The following SLC9A3 variants were observed in gnomAD, a reference collection of about 807,000 sequenced individuals.
SLC9A3 encodes sodium/hydrogen exchanger 3.
Under a neutral mutation model 86.8 loss-of-function variants are expected in SLC9A3, and 37 were observed. The ratio of observed to expected loss-of-function variants is 0.43; its 90% CI spans 0.33 to 0.56. The LOEUF (loss-of-function observed/expected upper bound fraction) is 0.56, where lower values mean the gene tolerates loss of function less well. Among genes scored for constraint, SLC9A3 ranks in the 20% least tolerant of loss-of-function variants. The pLI, the probability that SLC9A3 is intolerant of heterozygous loss-of-function variation, is 0.06. For missense variants in SLC9A3, 1,011 were observed against 1,171.9 expected, an observed-to-expected ratio of 0.86 and a Z score of 2.00; for synonymous variants, 581 against 528.3, an observed-to-expected ratio of 1.10 and a Z score of -1.37.
At chr5:500,325 G>A (rs1214947368) in intron 1 of SLC9A3, among the ~76,000 whole-genome samples, 7 of 152,234 alleles carry the variant, frequency 4.6e-5, no homozygotes, top group Non-Finnish European at 1.0e-4. Flanking sequence ...GACACGCCAC[G>A]AGGCTCCCCC....
At chr5:476,700 C>T in intron 11 of SLC9A3, 28 bp from the exon 12 acceptor site, 1 of 1,597,318 alleles carries the variant, frequency 6.3e-7, no homozygotes, top group Non-Finnish European at 8.5e-7. Context: ...CTGAGCCATA[C>T]AGGCTCCCTC....
intron 1 of SLC9A3, among the ~76,000 whole-genome samples, chr5:506,378 C>T (rs140635817): frequency 3.0e-4 from 45 of 152,300 alleles, no homozygotes; most frequent in Middle Eastern, 3.4e-3. Flanking sequence ...CAGGGCAGCC[C>T]GCACAGGGCG....
chr5:487,888 G>A (rs551307876), intron 3 of SLC9A3, among the ~76,000 whole-genome samples: 7 of 152,148 alleles, frequency 4.6e-5, no homozygotes, highest in Middle Eastern at 3.4e-3. Context: ...GGCTGGTCTC[G>A]AACTGCTGAC....
intron 16 of SLC9A3, among the ~76,000 whole-genome samples, chr5:473,863 C>CG (rs2126600100): frequency 6.6e-6 from 1 of 152,338 alleles, no homozygotes; most frequent in South Asian, 2.1e-4. Flanking sequence ...GTGAGAGGGT[C>CG]GGGGACCCGG....
chr5:515,355 A>G (rs913620201), intron 1 of SLC9A3, among the ~76,000 whole-genome samples: 1 of 151,792 alleles, frequency 6.6e-6, no homozygotes, highest in Non-Finnish European at 1.5e-5. Flanking sequence ...ACACACGGGA[A>G]CCCCTTGGGC....
chr5:519,912 T>C (rs1733836739), intron 1 of SLC9A3, among the ~76,000 whole-genome samples: 1 of 152,196 alleles, frequency 6.6e-6, no homozygotes, highest in Non-Finnish European at 1.5e-5. Context: ...CTCCTACGGC[T>C]GCGCGAGGCA....
Position 474,904 on chromosome 5 carries a change from G to T in SLC9A3, c.2480C>A (p.Ala827Asp), listed in dbSNP as rs1738614553. Residue 827 changes from alanine (A) to aspartate (D), a missense_variant, in exon 16 of 17, where the codon GCC becomes GAC. By Grantham distance (126) the Ala-to-Asp change is moderately radical (BLOSUM62 -2). Transcript: ENST00000264938. ...TTACATGTGTGTGGACTCGGGGAGG[G>T]CGGCGGGGGGCCGCTCCTCGGGGCC... ...ADGPEERPPAALPESTHM is the reference protein window; with the variant it reads ...ADGPEERPPADLPESTHM 3 of 1,594,456 alleles carry T rather than the reference G, an allele frequency of 1.9e-6. No individual in the cohort carries two copies. The highest frequency in any genetic ancestry group is 2.6e-6 in the Non-Finnish European group (3 of 1,171,882).
At chr5:522,225 G>A (rs575239379) in intron 1 of SLC9A3, among the ~76,000 whole-genome samples, 12 of 152,316 alleles carry the variant, frequency 7.9e-5, no homozygotes, top group South Asian at 2.1e-4. Context: ...TGCTGGAGCC[G>A]GCAGCCTCCC....
chr5:501,254 G>A (rs1326285127), intron 1 of SLC9A3, among the ~76,000 whole-genome samples: 6 of 152,166 alleles, frequency 3.9e-5, no homozygotes, highest in Admixed American at 1.3e-4. Flanking sequence ...ACACCCCTCG[G>A]AGCACAGAGG....
chr5:521,245 G>A (rs1255317845), intron 1 of SLC9A3, among the ~76,000 whole-genome samples: 1 of 151,148 alleles, frequency 6.6e-6, no homozygotes, highest in Admixed American at 6.6e-5. Flanking sequence ...CAGACACGCG[G>A]CCTGAGGCTG....
intron 1 of SLC9A3, among the ~76,000 whole-genome samples, chr5:514,530 T>C (rs949318536): frequency 6.6e-6 from 1 of 152,160 alleles, no homozygotes; most frequent in African/African-American, 2.4e-5. Context: ...GCCCAGTGGC[T>C]CCCACATCCA....
At chr5:473,508 G>T in intron 16 of SLC9A3, 126 bp from the exon 17 acceptor site, 1 of 800,674 alleles carries the variant, frequency 1.2e-6, no homozygotes, top group Non-Finnish European at 1.7e-6. Context: ...CGCACCCCAG[G>T]CTCGGCGTCC....
intron 1 of SLC9A3, among the ~76,000 whole-genome samples, chr5:514,263 G>A (rs988179964): frequency 1.3e-5 from 2 of 152,214 alleles, no homozygotes; most frequent in African/African-American, 4.8e-5. Flanking sequence ...GTTCCAAGAC[G>A]CTTCACACAC....
Position 472,088 on chromosome 5 carries a change from CT to C in SLC9A3, c.*1290del, listed in dbSNP as rs886526063. 1.6e-5 allele frequency: 7 copies of C among 432,522 alleles called. No individual in the cohort carries two copies. The highest frequency in any genetic ancestry group is 1.2e-4 in the African/African-American group (6 of 49,182). 26.8% of individuals were successfully genotyped at this position (432,522 alleles called of 1,614,324 possible). A position where few individuals can be genotyped will look rare whatever the true frequency, so the allele number is the denominator to read the frequency against. Reference sequence around the variant, plus strand: ...AGGCAGGTTTCAGGTGGGTTGGACCCTGTGGGACTTGCCGTCTGAGGGATGG... The same window carrying C: ...AGGCAGGTTTCAGGTGGGTTGGACCCGTGGGACTTGCCGTCTGAGGGATGG... On this transcript the variant is annotated 3_prime_UTR_variant, in exon 17 of 17. Coordinates refer to ENST00000264938, the MANE Select transcript of SLC9A3 (RefSeq NM_004174.4).
chr5:519,849 G>T (rs538994634), intron 1 of SLC9A3, among the ~76,000 whole-genome samples: 2 of 152,142 alleles, frequency 1.3e-5, no homozygotes, highest in Non-Finnish European at 2.9e-5. Context: ...GGGCTGCGCC[G>T]CTCAGAGCAG....
chr5:483,423 G>T lies in SLC9A3; in HGVS notation c.992C>A (p.Ser331Ter). 1 of 1,583,070 alleles carries T rather than the reference G, an allele frequency of 6.3e-7. No individual in the cohort carries two copies. The highest frequency in any genetic ancestry group is 2.3e-5 in the East Asian group (1 of 43,280). The part of the protein sequence containing the change: ...KYVKANISEQ[S>*]ATTVRYTMKM... ...CATGGTGTAGCGCACGGTGGTGGCC[G>T]ACTGCTCCGAGATGTTGGCCTTCAC... The change falls in exon 6 of 17, where the codon TCG becomes TAG. Residue 331 changes from serine (S) to a stop codon, truncating the protein, a stop_gained. Transcript: ENST00000264938. LOFTEE classifies it high-confidence loss of function.
At chr5:520,809 C>T (rs995819702) in intron 1 of SLC9A3, among the ~76,000 whole-genome samples, 11 of 151,894 alleles carry the variant, frequency 7.2e-5, no homozygotes, top group Non-Finnish European at 1.2e-4. Flanking sequence ...TGGATCCCAC[C>T]CCAGGGCCCC....
rs1404687857 is a variant in SLC9A3, at chr5:524,299, G to A, written c.24C>T (p.Gly8=). 1.4e-5 allele frequency: 18 copies of A among 1,286,546 alleles called. No homozygotes were observed. The highest frequency in any genetic ancestry group is 1.6e-5 in the Non-Finnish European group (16 of 1,013,962). The allele number at this position is 1,286,546 out of a possible 1,614,324, so 79.7% of individuals were successfully genotyped here. Reference sequence around the variant, plus strand: ...GCGCCAGCAGCAGCCCCCGGTCGGGGCCCCGGGCCCCGAGTCCCCACATTG... The same window carrying A: ...GCGCCAGCAGCAGCCCCCGGTCGGGACCCCGGGCCCCGAGTCCCCACATTG... MWGLGAR[G]PDRGLLLALA... The change falls in exon 1 of 17, where the codon GGC becomes GGT. Residue 8 remains glycine, a synonymous_variant. Transcript: ENST00000264938.
chr5:501,477 G>A (rs1306148848), intron 1 of SLC9A3, among the ~76,000 whole-genome samples: 1 of 152,202 alleles, frequency 6.6e-6, no homozygotes, highest in African/African-American at 2.4e-5. Context: ...GGAAGCACAG[G>A]TACCCACCCT....
Sources: gnomAD v4.1 joint callset for allele counts (sites outside exome capture counted in the v4.1 genomes callset) on GRCh38, gnomAD v4.1.1 for gene constraint, MANE v1.5 for transcripts, NCBI Gene and HGNC (gene_info 2026-07-23, HGNC 2026-07-21) for gene names.